QSER1: variants seen among roughly 807,000 people sequenced by gnomAD.
The protein encoded by QSER1 is glutamine and serine-rich protein 1.
A neutral mutation model predicts 158.5 loss-of-function variants in QSER1; 49 were observed. The ratio of observed to expected loss-of-function variants is 0.31; its 90% CI spans 0.25 to 0.39. The LOEUF (loss-of-function observed/expected upper bound fraction) is 0.39. Ranked by LOEUF, QSER1 falls within the 10% of genes least tolerant of loss-of-function variation. QSER1 has a pLI of 1.00. For synonymous variants in QSER1, 650 were observed against 715.5 expected, an observed-to-expected ratio of 0.91 and a Z score of 1.46; for missense variants, 1,754 against 2,010.3, an observed-to-expected ratio of 0.87 and a Z score of 2.44.
intron 4 of QSER1, among the ~76,000 whole-genome samples, chr11:32,944,444 C>G (rs1194560566): frequency 6.6e-6 from 1 of 151,008 alleles, no homozygotes; most frequent in Non-Finnish European, 1.5e-5. Flanking sequence ...TGTCTTTGTT[C>G]TCGTTGGTTT....
At chr11:32,898,477 A>G (rs1231280248) in intron 1 of QSER1, among the ~76,000 whole-genome samples, 1 of 111,134 alleles carries the variant, frequency 9.0e-6, no homozygotes, top group Non-Finnish European at 1.8e-5. Flanking sequence ...CAGAGTGAGA[A>G]CCTGTCACAC....
intron 8 of QSER1, among the ~76,000 whole-genome samples, chr11:32,960,576 G>C (rs1303636243): frequency 6.6e-6 from 1 of 152,030 alleles, no homozygotes; most frequent in Non-Finnish European, 1.5e-5. Context: ...AAAGAAAAAA[G>C]AAATATATAA....
At chr11:32,946,825 C>G (rs1051088982) in intron 4 of QSER1, among the ~76,000 whole-genome samples, 1 of 152,104 alleles carries the variant, frequency 6.6e-6, no homozygotes, top group African/African-American at 2.4e-5. Context: ...GCCCCTACCC[C>G]AGCCTCGCTG....
intron 1 of QSER1, among the ~76,000 whole-genome samples, chr11:32,915,469 C>T (rs1246900919): frequency 6.6e-6 from 1 of 152,126 alleles, no homozygotes; most frequent in Non-Finnish European, 1.5e-5. Context: ...ACTATTCTCT[C>T]CCTACCACGA....
chr11:32,954,371 T>A (rs1477371405), intron 5 of QSER1, among the ~76,000 whole-genome samples, 192 bp downstream of exon 5: 1 of 152,242 alleles, frequency 6.6e-6, no homozygotes, highest in Non-Finnish European at 1.5e-5. Flanking sequence ...CTTAACTTAG[T>A]TGTACGTATT....
chr11:32,913,588 T>A (rs1205608360), intron 1 of QSER1, among the ~76,000 whole-genome samples: 1 of 152,194 alleles, frequency 6.6e-6, no homozygotes, highest in East Asian at 1.9e-4. Context: ...ATTTCTCTAG[T>A]TCCTAGCATA....
At chr11:32,970,080 C>T (rs1461759067) in intron 10 of QSER1, among the ~76,000 whole-genome samples, 1 of 152,178 alleles carries the variant, frequency 6.6e-6, no homozygotes, top group Non-Finnish European at 1.5e-5. Context: ...CTTTCTTATT[C>T]AAAGTATAAT....
At chr11:32,913,722 C>T (rs909919971) in intron 1 of QSER1, among the ~76,000 whole-genome samples, 1 of 152,090 alleles carries the variant, frequency 6.6e-6, no homozygotes. Flanking sequence ...TGCTGCTGAC[C>T]GTATGTGCTT....
chr11:32,950,029 T>G (rs913815517), intron 4 of QSER1, among the ~76,000 whole-genome samples: 3 of 152,240 alleles, frequency 2.0e-5, no homozygotes, highest in Non-Finnish European at 2.9e-5. Context: ...CTTTTGCATT[T>G]TAGCCTATGG....
At chr11:32,898,683 C>T (rs1851588283) in intron 1 of QSER1, among the ~76,000 whole-genome samples, 1 of 152,140 alleles carries the variant, frequency 6.6e-6, no homozygotes, top group Admixed American at 6.5e-5. Context: ...ACCTCCTGGG[C>T]TCAGGTGATC....
At chr11:32,900,819 T>G (rs1462019291) in intron 1 of QSER1, among the ~76,000 whole-genome samples, 1 of 152,244 alleles carries the variant, frequency 6.6e-6, no homozygotes, top group East Asian at 1.9e-4. Flanking sequence ...TTTCCCCACA[T>G]GTTACCTTCT....
rs1180807279 is a variant in QSER1, at chr11:32,934,099, A to G, written c.2841A>G (p.Thr947=). The G allele has an allele frequency of 1.2e-6, 2 of 1,613,940 alleles. No individual in the cohort carries two copies. Among genetic ancestry groups the G allele is most frequent in the Non-Finnish European group, 1.7e-6 (2 of 1,180,010 alleles). Residue 947 remains threonine (T), a synonymous_variant, in exon 4 of 13, where the codon ACA becomes ACG. Transcript: ENST00000650167. ...CAACAAAGGGCCATTTTAGTGAAACAAATCAACATGATTCAAAGAATCAGT... is the reference window on the plus strand; with the variant it reads ...CAACAAAGGGCCATTTTAGTGAAACGAATCAACATGATTCAAAGAATCAGT... ...HLTTKGHFSE[T]NQHDSKNQFV...
At chr11:32,952,293 G>A (rs1006274819) in intron 4 of QSER1, among the ~76,000 whole-genome samples, 3 of 152,208 alleles carry the variant, frequency 2.0e-5, no homozygotes, top group Admixed American at 1.3e-4. Context: ...AGCTGGGGAA[G>A]TTCCCAGGCT....
Position 32,956,081 on chromosome 11 carries a change from T to C in QSER1, c.4711T>C (p.Cys1571Arg), listed in dbSNP as rs752832796. 6 of 1,612,156 alleles carry C rather than the reference T, an allele frequency of 3.7e-6. No individual in the cohort carries two copies. The South Asian group carries it at 6.6e-5, about 18-fold the overall frequency. ...AAACAAGAAGGAATATGTCAGAGTG[T>C]GTTCTAAAAAGCCAAGAAATAAACC... is the stretch of plus-strand genomic sequence containing the variant. The part of the protein sequence containing the change: ...NANKKEYVRV[C>R]SKKPRNKPSQ... Residue 1571 changes from cysteine (C) to arginine (R), a missense_variant, in exon 7 of 13, where the codon TGT becomes CGT. Coordinates refer to ENST00000650167, the MANE Select transcript of QSER1 (RefSeq NM_001076786.3).
Position 32,893,896 on chromosome 11 carries a change from G to C in QSER1, c.209+562G>C, listed in dbSNP as rs1215877208. Among the ~76,000 whole-genome samples, 1 of 152,212 alleles carries C rather than the reference G, an allele frequency of 6.6e-6. No individual in the cohort carries two copies. Among genetic ancestry groups the C allele is most frequent in the Non-Finnish European group, 1.5e-5 (1 of 68,026 alleles). On this transcript the variant is annotated intron_variant, in intron 1 of 12. Coordinates refer to ENST00000650167, the MANE Select transcript of QSER1 (RefSeq NM_001076786.3). This position sits in a 1 kb window ranked among gnomAD's most constrained non-coding sequence, Gnocchi z 4.7. ...CAGAAGAGGGGGCCCGGCAGGGCGC[G>C]AACGCGGCTCCAGGGCCGGGTGACA...
rs1436714195 is a variant in QSER1 at position 32,966,454 on chromosome 11, A to G, written c.5107+17A>G. On this transcript the variant is annotated intron_variant, in intron 9 of 12. Coordinates refer to ENST00000650167, the MANE Select transcript of QSER1 (RefSeq NM_001076786.3). ...AGAGCAATGGTACAGTCTTCTAAGT[A>G]GTACTTCCTTGGTAGTACTTCCTGG... 1.9e-6 allele frequency: 3 copies of G among 1,599,822 alleles called. No individual in the cohort carries two copies. The highest frequency in any genetic ancestry group is 2.2e-5 in the East Asian group (1 of 44,740).
rs1316352329 is a variant in QSER1, at chr11:32,901,981, G to C, written c.209+8647G>C. Among the ~76,000 whole-genome samples, 4 of 152,198 alleles carry C rather than the reference G, an allele frequency of 2.6e-5. No individual in the cohort carries two copies. In the East Asian group the frequency reaches 7.7e-4, roughly 29 times the overall value. Reference sequence around the variant, plus strand: ...GCCTGTGGTCCCAGCTACTTAGAAGGCTGAGGTGGGAGGATCGCTTGAGCC... The same window carrying C: ...GCCTGTGGTCCCAGCTACTTAGAAGCCTGAGGTGGGAGGATCGCTTGAGCC... On this transcript the variant is annotated intron_variant, in intron 1 of 12. Transcript: ENST00000650167.
At chr11:32,922,722 C>T (rs1033448272) in intron 1 of QSER1, among the ~76,000 whole-genome samples, 4 of 151,220 alleles carry the variant, frequency 2.6e-5, no homozygotes, top group Non-Finnish European at 5.9e-5. Flanking sequence ...TGACTTCAAG[C>T]GATCCACCCA....
rs1462432035 is a variant in QSER1, at chr11:32,972,409, A to G, written c.5206-988A>G. 9.9e-4 allele frequency among the ~76,000 whole-genome samples: 46 copies of G among 46,384 alleles called. 1 individual carries two copies. Among genetic ancestry groups the G allele is most frequent in the African/African-American group, 2.3e-3 (18 of 7,954 alleles). The allele number at this position is 46,384 out of a possible 152,430, so 30.4% of individuals were successfully genotyped here. ...AAGGGCATAAATAGGCCAGTGGCTT[A>G]TTTATTTATTTATTTATTTATTTAT... On this transcript the variant is annotated intron_variant, in intron 10 of 12. Coordinates refer to ENST00000650167, the MANE Select transcript of QSER1 (RefSeq NM_001076786.3).
Sources: allele counts gnomAD v4.1 joint callset (sites outside exome capture counted in the v4.1 genomes callset), GRCh38; gene constraint gnomAD v4.1.1; non-coding constraint Gnocchi (gnomAD v3.1); transcripts MANE v1.5; gene names NCBI Gene and HGNC (gene_info 2026-07-23, HGNC 2026-07-21).